Variants in TRIO observed in about 807,000 individuals in gnomAD.
The protein encoded by TRIO is triple functional domain protein.
In TRIO, 58 loss-of-function variants were observed where a neutral mutation model predicts 351.9. The ratio of observed to expected loss-of-function variants is 0.16; its 90% CI spans 0.13 to 0.21. TRIO has a LOEUF of 0.21. TRIO is among the 10% of genes least tolerant of loss of function. The pLI is 1.00. For synonymous variants in TRIO, 1,758 were observed against 1,595.7 expected (o/e 1.10, Z -2.42); for missense variants, 3,201 against 4,027.8 (o/e 0.79, Z 5.56).
intron 1 of TRIO, among the ~76,000 whole-genome samples, chr5:14,247,145 T>C (rs1171863723): frequency 6.6e-6 from 1 of 152,240 alleles, no homozygotes; most frequent in Non-Finnish European, 1.5e-5. Context: ...GGCCCCTCAG[T>C]GAGCCTCGTG....
At chr5:14,318,892 C>T (rs565944981) in intron 9 of TRIO, among the ~76,000 whole-genome samples, 3 of 152,298 alleles carry the variant, frequency 2.0e-5, no homozygotes, top group South Asian at 2.1e-4. Context: ...TTAACTCTTC[C>T]GAGGCAGCAG....
chr5:14,458,918 A>G (rs1181985419), intron 34 of TRIO, among the ~76,000 whole-genome samples: 2 of 152,210 alleles, frequency 1.3e-5, no homozygotes, highest in Non-Finnish European at 2.9e-5. Flanking sequence ...CTGATAGGGA[A>G]ATGTTTTAGT....
chr5:14,442,684 G>A (rs894782884), intron 34 of TRIO, among the ~76,000 whole-genome samples: 2 of 152,182 alleles, frequency 1.3e-5, no homozygotes, highest in Non-Finnish European at 2.9e-5. Context: ...TAGGTCCCTC[G>A]GGGACCCTGT....
chr5:14,300,983 C>T (rs957855872), intron 7 of TRIO, among the ~76,000 whole-genome samples: 20 of 152,008 alleles, frequency 1.3e-4, no homozygotes, highest in Non-Finnish European at 7.4e-5. Context: ...CAAGAGGTGG[C>T]GGGGGTGAGA....
chr5:14,314,270 A>T (rs1739183633), intron 8 of TRIO, among the ~76,000 whole-genome samples: 1 of 152,248 alleles, frequency 6.6e-6, no homozygotes, highest in Non-Finnish European at 1.5e-5. Flanking sequence ...CATAAAAATT[A>T]TATGCTACAT....
intron 25 of TRIO, 56 bp from the exon 26 acceptor site, chr5:14,390,175 C>G (rs1453347266): frequency 1.3e-6 from 2 of 1,520,598 alleles, no homozygotes; most frequent in South Asian, 1.2e-5. Context: ...GCATATCTCA[C>G]TAGTAAAATG....
intron 46 of TRIO, 60 bp downstream of exon 46, chr5:14,482,833 A>G (rs768229819): frequency 2.9e-4 from 394 of 1,374,936 alleles, no homozygotes; most frequent in Non-Finnish European, 3.7e-4. Flanking sequence ...ACACCGATAC[A>G]CTGTTTCCTT....
rs114932494 is a variant in TRIO at position 14,160,822 on chromosome 5, C to T, written c.157+16940C>T. 7.3e-3 allele frequency among the ~76,000 whole-genome samples: 1,112 copies of T among 152,336 alleles called. 9 individuals are homozygous for T. The highest frequency in any genetic ancestry group is 0.025 in the African/African-American group (1,039 of 41,572). ...TTATTCTCAGATCTCCTTCCCGACTCGTCCCTTTCTCCCACTGAAGCTCCT... is the reference window on the plus strand; with the variant it reads ...TTATTCTCAGATCTCCTTCCCGACTTGTCCCTTTCTCCCACTGAAGCTCCT... On this transcript the variant is annotated intron_variant, in intron 1 of 56. Transcript: ENST00000344204.
rs1756090742 is a variant in TRIO, at chr5:14,487,913, A to C, written c.7285A>C (p.Ser2429Arg). 1 of 1,539,476 alleles carries C rather than the reference A, an allele frequency of 6.5e-7. No homozygotes were observed. The highest frequency in any genetic ancestry group is 2.5e-5 in the East Asian group (1 of 40,812). ...RKGAANASGS[S>R]PDAPAKDARA... is the part of the protein sequence containing the mutation. ...AGGCGCCGCGAACGCCTCGGGGTCG[A>C]GCCCAGACGCCCCCGCCAAGGACGC... The change falls in exon 48 of 57, where the codon AGC becomes CGC. Residue 2429 changes from serine (S) to arginine (R), a missense_variant. Around this residue, in one of 19 missense-constraint regions of TRIO, gnomAD observed 1,089 missense variants for 954.9 expected, o/e 1.14. Transcript: ENST00000344204.
chr5:14,166,600 C>A (rs1788775751), intron 1 of TRIO, among the ~76,000 whole-genome samples: 1 of 152,140 alleles, frequency 6.6e-6, no homozygotes, highest in African/African-American at 2.4e-5. Flanking sequence ...TCCCTCTGCC[C>A]CGAGTGCTCA....
intron 1 of TRIO, among the ~76,000 whole-genome samples, chr5:14,151,891 A>T (rs966651309): frequency 4.6e-5 from 7 of 152,230 alleles, no homozygotes; most frequent in African/African-American, 1.7e-4. Flanking sequence ...CATGACAGAT[A>T]TGCCAGGGCC....
rs377220745 is a variant in TRIO at position 14,387,616 on chromosome 5, C to T, written c.3749C>T (p.Ser1250Leu). The change falls in exon 22 of 57, where the codon TCA (serine) becomes TTA (leucine). Residue 1250 changes from serine (S) to leucine (L), a missense_variant. Transcript: ENST00000344204. ...TTGGAAAAAGCCCTGGGGATTTCTTCAGATTCCAACAAATCGGTAAATGGC... is the reference window on the plus strand; with the variant it reads ...TTGGAAAAAGCCCTGGGGATTTCTTTAGATTCCAACAAATCGGTAAATGGC... ...TSLEKALGIS[S>L]DSNKSSKSLQ... 5.6e-6 allele frequency: 9 copies of T among 1,611,290 alleles called. No individual in the cohort carries two copies. The African/African-American group carries it at 1.2e-4, about 22-fold the overall frequency.
At chr5:14,328,457 T>C (rs908735432) in intron 9 of TRIO, among the ~76,000 whole-genome samples, 1 of 152,150 alleles carries the variant, frequency 6.6e-6, no homozygotes, top group Non-Finnish European at 1.5e-5. Context: ...GTTAGTGTGC[T>C]CAATACGTGA....
At chr5:14,371,865 C>T (rs112426009) in intron 18 of TRIO, among the ~76,000 whole-genome samples, 26 of 152,030 alleles carry the variant, frequency 1.7e-4, no homozygotes, top group Non-Finnish European at 3.4e-4. Flanking sequence ...TGGTCTCAAA[C>T]TCCTGGGCTC....
At chr5:14,214,653 A>T (rs1028802763) in intron 1 of TRIO, among the ~76,000 whole-genome samples, 2 of 152,238 alleles carry the variant, frequency 1.3e-5, no homozygotes, top group African/African-American at 4.8e-5. Flanking sequence ...TATGATACAA[A>T]TCAGAAATCA....
intron 34 of TRIO, among the ~76,000 whole-genome samples, chr5:14,428,348 A>G (rs1480532779): frequency 2.0e-5 from 3 of 152,182 alleles, no homozygotes; most frequent in Admixed American, 6.5e-5. Context: ...CTGCCCACAC[A>G]TTCTTAAAAA....
intron 18 of TRIO, among the ~76,000 whole-genome samples, chr5:14,371,764 C>G (rs867902318): frequency 7.2e-5 from 11 of 151,950 alleles, no homozygotes; most frequent in Non-Finnish European, 1.5e-4. Context: ...CCTCCGCCCC[C>G]CTAGGAGCTA....
chr5:14,239,457 C>T (rs1468839827), intron 1 of TRIO, among the ~76,000 whole-genome samples: 3 of 152,156 alleles, frequency 2.0e-5, no homozygotes, highest in African/African-American at 7.2e-5. Context: ...GGAGAAATAG[C>T]GTTCATCTCC....
At chr5:14,359,867 T>A (rs1445144916) in intron 13 of TRIO, among the ~76,000 whole-genome samples, 2 of 152,204 alleles carry the variant, frequency 1.3e-5, no homozygotes, top group African/African-American at 4.8e-5. Context: ...AAACCTCGAT[T>A]GGGTTGCACA....
Sources: gnomAD v4.1 joint callset for allele counts (sites outside exome capture counted in the v4.1 genomes callset) on GRCh38, gnomAD v4.1.1 for gene constraint, gnomAD v4.1.1 regional missense constraint, MANE v1.5 for transcripts, NCBI Gene and HGNC (gene_info 2026-07-23, HGNC 2026-07-21) for gene names.